LMX1A: variants seen among roughly 807,000 people sequenced by gnomAD.
LMX1A encodes the protein LIM homeobox transcription factor 1 alpha.
LMX1A carries 15 observed loss-of-function variants against 49.1 expected under a neutral mutation model. The observed-to-expected ratio is 0.31, with a 90% confidence interval of 0.20 to 0.47. The LOEUF (loss-of-function observed/expected upper bound fraction) is 0.47. Among genes scored for constraint, LMX1A ranks in the 20% least tolerant of loss-of-function variants. LMX1A has a pLI of 1.00. For missense variants in LMX1A, 372 were observed against 475.8 expected (o/e 0.78, Z 2.03); for synonymous variants, 167 against 185.7 (o/e 0.90, Z 0.82).
chr1:165,263,798 G>A (rs1653531781), intron 3 of LMX1A, among the ~76,000 whole-genome samples: 1 of 152,116 alleles, frequency 6.6e-6, no homozygotes, highest in Non-Finnish European at 1.5e-5. Flanking sequence ...TAGTATTTGG[G>A]GGTGCCAGGA....
chr1:165,272,953 C>T (rs1281105285), intron 3 of LMX1A, among the ~76,000 whole-genome samples: 1 of 152,170 alleles, frequency 6.6e-6, no homozygotes, highest in Non-Finnish European at 1.5e-5. Context: ...AAGCACATCC[C>T]TGGCAGCATG....
chr1:165,353,311 C>T lies in LMX1A; in HGVS notation c.77-49G>A, dbSNP rs777734942. Reference sequence around the variant, plus strand: ...GGGTGAGCAGCCCGGGCAGGTAGACCATGCCAAACCTGGCCGGGACCCGCT... The same window carrying T: ...GGGTGAGCAGCCCGGGCAGGTAGACTATGCCAAACCTGGCCGGGACCCGCT... On this transcript the variant is annotated intron_variant, in intron 2 of 8. Coordinates refer to ENST00000342310, the MANE Select transcript of LMX1A (RefSeq NM_177398.4). 4 of 1,523,588 alleles carry T rather than the reference C, an allele frequency of 2.6e-6. No individual in the cohort carries two copies. In the East Asian group the frequency reaches 9.1e-5, roughly 35 times the overall value. 94.4% of individuals were successfully genotyped at this position (1,523,588 alleles called of 1,614,324 possible).
rs143586869 is a variant in LMX1A, at chr1:165,203,199, T to A, written c.*681A>T. 875 of 152,762 alleles carry A rather than the reference T, an allele frequency of 5.7e-3. 17 individuals are homozygous for A. Among genetic ancestry groups the A allele is most frequent in the East Asian group, 0.031 (160 of 5,190 alleles). 9.5% of individuals were successfully genotyped at this position (152,762 alleles called of 1,614,324 possible). A position where few individuals can be genotyped will look rare whatever the true frequency, so the allele number is the denominator to read the frequency against. On this transcript the variant is annotated 3_prime_UTR_variant, in exon 9 of 9. Coordinates refer to ENST00000342310, the MANE Select transcript of LMX1A (RefSeq NM_177398.4). The stretch of plus-strand genomic sequence containing the variant: ...AGAACACCATCAGCCACACAGAATT[T>A]CTTTCCAGATCTGAAAGACACTCTG...
At chr1:165,338,027 C>T (rs1352829979) in intron 3 of LMX1A, among the ~76,000 whole-genome samples, 2 of 152,070 alleles carry the variant, frequency 1.3e-5, no homozygotes. Context: ...GTCTGGGACA[C>T]ATCTTTTTCC....
At chr1:165,251,975 G>A (rs543439085) in intron 3 of LMX1A, among the ~76,000 whole-genome samples, 1 of 152,080 alleles carries the variant, frequency 6.6e-6, no homozygotes, top group Non-Finnish European at 1.5e-5. Context: ...TGTTTAGCCC[G>A]CCCCTTCATA....
intron 2 of LMX1A, among the ~76,000 whole-genome samples, chr1:165,353,793 G>T (rs140443928): frequency 6.6e-6 from 1 of 152,176 alleles, no homozygotes; most frequent in South Asian, 2.1e-4. Context: ...GTCTCACTCC[G>T]AAGCAAACCT....
intron 3 of LMX1A, among the ~76,000 whole-genome samples, chr1:165,265,572 G>A (rs941720643): frequency 8.5e-5 from 13 of 152,142 alleles, no homozygotes; most frequent in African/African-American, 2.7e-4. Flanking sequence ...AGCCCTGCAC[G>A]TCTTTCCACT....
intron 3 of LMX1A, among the ~76,000 whole-genome samples, chr1:165,329,240 G>C (rs1457848670): frequency 6.6e-6 from 1 of 152,156 alleles, no homozygotes; most frequent in Non-Finnish European, 1.5e-5. Context: ...ACTATCATGA[G>C]AACAGCATGG....
At chr1:165,231,491 C>T (rs1055160987) in intron 4 of LMX1A, among the ~76,000 whole-genome samples, 3 of 151,988 alleles carry the variant, frequency 2.0e-5, no homozygotes, top group Admixed American at 6.6e-5. Context: ...ATTTTGTTGC[C>T]CAGGCTGGTC....
At chr1:165,249,325 A>C in intron 4 of LMX1A, 83 bp downstream of exon 4, 2 of 951,166 alleles carry the variant, frequency 2.1e-6, no homozygotes, top group Non-Finnish European at 1.7e-6. Flanking sequence ...GAGGCTGGCC[A>C]TCTAGGGAAG....
chr1:165,215,087 G>C (rs929611039), intron 4 of LMX1A, among the ~76,000 whole-genome samples: 3 of 152,136 alleles, frequency 2.0e-5, no homozygotes, highest in Non-Finnish European at 2.9e-5. Context: ...GGAGGCCAGG[G>C]CAGGTGGATT....
chr1:165,263,595 C>T (rs1653516468), intron 3 of LMX1A, among the ~76,000 whole-genome samples: 1 of 152,234 alleles, frequency 6.6e-6, no homozygotes, highest in South Asian at 2.1e-4. Context: ...ACCTCCACAA[C>T]TTCCTCAATG....
At chr1:165,251,469 A>C (rs893142008) in intron 3 of LMX1A, among the ~76,000 whole-genome samples, 1 of 152,178 alleles carries the variant, frequency 6.6e-6, no homozygotes, top group African/African-American at 2.4e-5. Context: ...GGAGGTAGCG[A>C]GATGAGTGAG....
At chr1:165,221,104 GAC>G (rs914727810) in intron 4 of LMX1A, among the ~76,000 whole-genome samples, 1 of 152,042 alleles carries the variant, frequency 6.6e-6, no homozygotes, top group Non-Finnish European at 1.5e-5. Context: ...TTTGCCCAAG[GAC>G]ACACAGCTGG....
At chr1:165,292,842 G>A (rs1453237787) in intron 3 of LMX1A, among the ~76,000 whole-genome samples, 3 of 152,166 alleles carry the variant, frequency 2.0e-5, no homozygotes, top group African/African-American at 4.8e-5. Flanking sequence ...CTGGGGTCCA[G>A]GCGCGGTGGC....
intron 3 of LMX1A, among the ~76,000 whole-genome samples, chr1:165,267,874 A>G (rs1049696784): frequency 6.6e-6 from 1 of 152,234 alleles, no homozygotes; most frequent in Non-Finnish European, 1.5e-5. Context: ...GAATGAGAGG[A>G]CATGGTGACC....
intron 3 of LMX1A, among the ~76,000 whole-genome samples, chr1:165,276,390 C>G (rs545847132): frequency 2.9e-4 from 44 of 152,264 alleles, no homozygotes; most frequent in African/African-American, 9.6e-4. Flanking sequence ...GCCTCTCCAC[C>G]CTCACCCTTC....
intron 3 of LMX1A, among the ~76,000 whole-genome samples, chr1:165,331,814 G>T (rs1044927428): frequency 1.3e-5 from 2 of 152,166 alleles, no homozygotes; most frequent in South Asian, 4.1e-4. Context: ...ATACACAGGA[G>T]GCTGAGGCAC....
intron 3 of LMX1A, among the ~76,000 whole-genome samples, chr1:165,294,133 C>A (rs1242835541): frequency 6.6e-6 from 1 of 152,168 alleles, no homozygotes; most frequent in Non-Finnish European, 1.5e-5. Flanking sequence ...GAACCAAAAC[C>A]AAGTCTGACG....
Sources: gnomAD v4.1 joint callset for allele counts (sites outside exome capture counted in the v4.1 genomes callset) on GRCh38, gnomAD v4.1.1 for gene constraint, MANE v1.5 for transcripts, NCBI Gene and HGNC (gene_info 2026-07-23, HGNC 2026-07-21) for gene names.